GASK1A: variants seen among roughly 807,000 people sequenced by gnomAD.
GASK1A encodes the protein golgi associated kinase 1A.
A neutral mutation model predicts 41.2 loss-of-function variants in GASK1A; 40 were observed. The ratio of observed to expected loss-of-function variants is 0.97; its 90% confidence interval spans 0.75 to 1.27. The LOEUF (loss-of-function observed/expected upper bound fraction) is 1.27, where lower values mean the gene tolerates loss of function less well. Among genes scored for constraint, GASK1A ranks in the 50% most tolerant of loss-of-function variants. The pLI is 0.00. For missense variants in GASK1A, 678 were observed against 745.1 expected (o/e 0.91, Z 1.05); for synonymous variants, 316 against 307.1 (o/e 1.03, Z -0.30).
intron 1 of GASK1A, among the ~76,000 whole-genome samples, chr3:43,024,343 G>T (rs532326038): frequency 2.6e-5 from 4 of 152,246 alleles, no homozygotes; most frequent in Admixed American, 2.6e-4. Context: ...CACAGTAAAG[G>T]CTTCAGCTGC....
intron 2 of GASK1A, among the ~76,000 whole-genome samples, chr3:43,043,369 C>G (rs958406873): frequency 2.0e-5 from 3 of 152,236 alleles, no homozygotes; most frequent in African/African-American, 7.2e-5. Flanking sequence ...CCTGGTATCC[C>G]TTCTTGGCAG....
chr3:43,034,953 T>A (rs2089597527), intron 2 of GASK1A, among the ~76,000 whole-genome samples: 1 of 152,124 alleles, frequency 6.6e-6, no homozygotes, highest in Admixed American at 6.5e-5. Context: ...TGCAGATAAG[T>A]CTGTTTCCAG....
At chr3:43,001,100 T>C (rs895016174) in intron 1 of GASK1A, among the ~76,000 whole-genome samples, 1 of 152,160 alleles carries the variant, frequency 6.6e-6, no homozygotes, top group Non-Finnish European at 1.5e-5. Context: ...TGCCCCTCCC[T>C]GTCCACCAGA....
chr3:43,018,088 T>C (rs2089503225), intron 1 of GASK1A, among the ~76,000 whole-genome samples: 1 of 152,140 alleles, frequency 6.6e-6, no homozygotes, highest in Non-Finnish European at 1.5e-5. Flanking sequence ...TTACGGGAAG[T>C]TGTTGAATGA....
In GASK1A at chr3:43,055,728, C is replaced by T. The variant is rs1559409112; in HGVS notation, c.1517+193C>T. On this transcript the variant is annotated intron_variant, in intron 4 of 4. Coordinates refer to ENST00000430121, the MANE Select transcript of GASK1A (RefSeq NM_001129908.3). ...GGGATACAGTTGGCAGGGCCTACCCCAATATCCAGAGGGCCTCGTGCCTGC... is the reference window on the plus strand; with the variant it reads ...GGGATACAGTTGGCAGGGCCTACCCTAATATCCAGAGGGCCTCGTGCCTGC... 8.7e-6 allele frequency: 5 copies of T among 574,542 alleles called. No homozygotes were observed. The East Asian group carries it at 1.5e-4, about 17-fold the overall frequency. 35.6% of individuals were successfully genotyped at this position (574,542 alleles called of 1,614,324 possible). A position where few individuals can be genotyped will look rare whatever the true frequency, so the allele number is the denominator to read the frequency against.
chr3:42,993,813 A>G, intron 1 of GASK1A, among the ~76,000 whole-genome samples: 1 of 152,258 alleles, frequency 6.6e-6, no homozygotes, highest in Non-Finnish European at 1.5e-5. Flanking sequence ...CCTCAGTAAT[A>G]ATAACATATT....
intron 1 of GASK1A, among the ~76,000 whole-genome samples, chr3:43,023,461 T>C (rs527448053): frequency 1.3e-5 from 2 of 152,252 alleles, no homozygotes; most frequent in Non-Finnish European, 2.9e-5. Context: ...GAAACTAATA[T>C]ACTGTGACAT....
At chr3:43,026,246 A>G (rs1357060029) in intron 1 of GASK1A, among the ~76,000 whole-genome samples, 1 of 152,230 alleles carries the variant, frequency 6.6e-6, no homozygotes, top group Admixed American at 6.5e-5. Flanking sequence ...TATTTGCAGG[A>G]TGCAGCCTGG....
intron 1 of GASK1A, among the ~76,000 whole-genome samples, chr3:42,981,595 G>T (rs771681064): frequency 1.3e-5 from 2 of 152,042 alleles, no homozygotes; most frequent in Non-Finnish European, 2.9e-5. Context: ...CCATCCCCCA[G>T]CCCAAATCCA....
intron 2 of GASK1A, among the ~76,000 whole-genome samples, chr3:43,051,317 G>A (rs1353241378): frequency 3.3e-5 from 5 of 152,150 alleles, no homozygotes; most frequent in African/African-American, 1.2e-4. Context: ...GCTGATGATT[G>A]AGCAGGAGAT....
chr3:43,032,447 C>A lies in GASK1A; in HGVS notation c.184C>A (p.Gln62Lys), dbSNP rs552995166. ...VTGAPATHIR[Q>K]ALSSSRRQRA... ...TGGCGCCCCTGCAACCCATATCCGGCAGGCTTTGAGCTCCAGCCGGAGGCA... is the reference window on the plus strand; with the variant it reads ...TGGCGCCCCTGCAACCCATATCCGGAAGGCTTTGAGCTCCAGCCGGAGGCA... Residue 62 changes from glutamine to lysine, a missense_variant, in exon 2 of 5, where the codon CAG (glutamine) becomes AAG (lysine). By Grantham distance (53) the Gln-to-Lys change is moderately conservative. Coordinates refer to ENST00000430121, the MANE Select transcript of GASK1A (RefSeq NM_001129908.3). The A allele has an allele frequency of 1.3e-6, 2 of 1,551,284 alleles. No homozygotes were observed. The highest frequency in any genetic ancestry group is 1.7e-6 in the Non-Finnish European group (2 of 1,146,654).
At chr3:43,029,640 C>T (rs1286386223) in intron 1 of GASK1A, among the ~76,000 whole-genome samples, 1 of 152,130 alleles carries the variant, frequency 6.6e-6, no homozygotes, top group Non-Finnish European at 1.5e-5. Flanking sequence ...GGCCAAGAGA[C>T]ATCAGTGCAC....
intron 1 of GASK1A, among the ~76,000 whole-genome samples, chr3:42,992,446 T>C (rs2089346310): frequency 6.6e-6 from 1 of 152,226 alleles, no homozygotes; most frequent in Non-Finnish European, 1.5e-5. Flanking sequence ...ACATAGTCAG[T>C]GCTCAGTTAA....
At chr3:42,985,062 AG>A (rs1440841178) in intron 1 of GASK1A, among the ~76,000 whole-genome samples, 1 of 152,192 alleles carries the variant, frequency 6.6e-6, no homozygotes, top group East Asian at 1.9e-4. Context: ...CTTTTCATAT[AG>A]GGAGTGTTTG....
chr3:43,022,312 T>TCTGCAGAA (rs1218477859), intron 1 of GASK1A, among the ~76,000 whole-genome samples: 1 of 152,196 alleles, frequency 6.6e-6, no homozygotes, highest in Non-Finnish European at 1.5e-5. Flanking sequence ...AACTTTTCTC[T>TCTGCAGAA]CTGCACAACT....
In GASK1A at chr3:43,042,870, T is replaced by C. The variant is rs1049456243; in HGVS notation, c.1290+9317T>C. On this transcript the variant is annotated intron_variant, in intron 2 of 4. Transcript: ENST00000430121. ...TGGGGCAGATGAAGCAGTCTAGGTG[T>C]TCCCTCCCTGGAGCTTCCAGGGAAG... Among the ~76,000 whole-genome samples the C allele has an allele frequency of 7.9e-5, 12 of 152,250 alleles. No homozygotes were observed. The South Asian group carries it at 1.7e-3, about 21-fold the overall frequency.
At chr3:43,029,355 C>T (rs704903) in intron 1 of GASK1A, among the ~76,000 whole-genome samples, 122,188 of 151,964 alleles carry the variant, frequency 0.8, 49,262 homozygotes, top group African/African-American at 0.86. Context: ...AGGGCCTACA[C>T]TGACTTACTG....
At chr3:42,985,908 T>G (rs1399658635) in intron 1 of GASK1A, among the ~76,000 whole-genome samples, 1 of 152,130 alleles carries the variant, frequency 6.6e-6, no homozygotes, top group Non-Finnish European at 1.5e-5. Context: ...GGAAACACAG[T>G]AGAAAGCAGT....
At chr3:43,032,089 G>A (rs757170528) in intron 1 of GASK1A, among the ~76,000 whole-genome samples, 178 bp from the exon 2 acceptor site, 5 of 152,236 alleles carry the variant, frequency 3.3e-5, no homozygotes, top group Non-Finnish European at 7.3e-5. Flanking sequence ...CAGGAGCATA[G>A]TTGGCTGGAG....
Sources: gnomAD v4.1 joint callset for allele counts (sites outside exome capture counted in the v4.1 genomes callset) on GRCh38, gnomAD v4.1.1 for gene constraint, MANE v1.5 for transcripts, NCBI Gene and HGNC (gene_info 2026-07-23, HGNC 2026-07-21) for gene names.